NRXN3: variants seen among roughly 807,000 people sequenced by gnomAD.
NRXN3 encodes the protein neurexin III.
Under a neutral mutation model 137.6 loss-of-function variants are expected in NRXN3, and 32 were observed. That is an observed-to-expected ratio of 0.23 (90% CI 0.18 to 0.31). The LOEUF (loss-of-function observed/expected upper bound fraction) is 0.31. Among genes scored for constraint, NRXN3 ranks in the 10% least tolerant of loss-of-function variants. The pLI, the probability that NRXN3 is intolerant of heterozygous loss-of-function variation, is 1.00. For missense variants in NRXN3, 1,574 were observed against 2,062.5 expected, an observed-to-expected ratio of 0.76 and a Z score of 4.59; for synonymous variants, 798 against 784.5, an observed-to-expected ratio of 1.02 and a Z score of -0.29.
At chr14:79,127,770 A>G (rs1211227037) in intron 15 of NRXN3, among the ~76,000 whole-genome samples, 4 of 152,146 alleles carry the variant, frequency 2.6e-5, no homozygotes, top group Admixed American at 6.5e-5. Context: ...CTTGGGCAGT[A>G]TGGCCATTTT....
Position 78,483,891 on chromosome 14 carries a change from A to G in NRXN3, c.758-161229A>G, listed in dbSNP as rs1599278401. On this transcript the variant is annotated intron_variant, in intron 4 of 20. Transcript: ENST00000335750. ...GCAGTTTTAGCTCATGGCTTATGTT[A>G]GCTAGACTGCTGGTTCGATTTTTCA... 2.6e-5 allele frequency among the ~76,000 whole-genome samples: 4 copies of G among 152,126 alleles called. No individual in the cohort carries two copies. In the South Asian group the frequency reaches 8.3e-4, roughly 32 times the overall value.
intron 19 of NRXN3, among the ~76,000 whole-genome samples, chr14:79,720,281 A>T (rs543975116): frequency 6.6e-6 from 1 of 152,180 alleles, no homozygotes; most frequent in Admixed American, 6.5e-5. Context: ...AATATGGGGG[A>T]AACTGTCCCC....
chr14:78,509,822 C>A (rs2096068179), intron 4 of NRXN3, among the ~76,000 whole-genome samples: 1 of 152,008 alleles, frequency 6.6e-6, no homozygotes, highest in South Asian at 2.1e-4. Context: ...ATGCAGCCAG[C>A]CCAGATTCTC....
intron 15 of NRXN3, among the ~76,000 whole-genome samples, chr14:79,165,906 A>C (rs749485441): frequency 2.0e-5 from 3 of 151,956 alleles, no homozygotes; most frequent in Non-Finnish European, 2.9e-5. Context: ...AGGTCTCACA[A>C]CACCACGAGC....
At chr14:79,631,058 C>A (rs984169641) in intron 16 of NRXN3, among the ~76,000 whole-genome samples, 24 of 152,158 alleles carry the variant, frequency 1.6e-4, no homozygotes, top group Non-Finnish European at 5.9e-5. Context: ...AAAATAGTCT[C>A]CTTTATCGTG....
intron 15 of NRXN3, among the ~76,000 whole-genome samples, chr14:79,416,277 C>A (rs2095495585): frequency 6.6e-6 from 1 of 152,124 alleles, no homozygotes; most frequent in South Asian, 2.1e-4. Context: ...CAGCTTTTCA[C>A]TGTCCCGTTC....
intron 15 of NRXN3, among the ~76,000 whole-genome samples, chr14:79,177,926 CTTT>C (rs968101466): frequency 1.5e-4 from 23 of 152,306 alleles, no homozygotes; most frequent in African/African-American, 5.1e-4. Context: ...CTGAGATCTT[CTTT>C]ATTTTTTATT....
chr14:79,222,743 ATTG>A (rs947373760), intron 15 of NRXN3, among the ~76,000 whole-genome samples: 2 of 33,044 alleles, frequency 6.1e-5, no homozygotes, highest in Non-Finnish European at 2.4e-4. Flanking sequence ...ATGGCATCTC[ATTG>A]TTGTTTTAAT....
At chr14:79,050,833 G>T (rs2099640781) in intron 15 of NRXN3, among the ~76,000 whole-genome samples, 1 of 152,096 alleles carries the variant, frequency 6.6e-6, no homozygotes, top group African/African-American at 2.4e-5. Flanking sequence ...TCCTAAGTTT[G>T]CATAACAGAA....
chr14:78,761,177 G>A (rs956031572), intron 8 of NRXN3, among the ~76,000 whole-genome samples: 2 of 152,098 alleles, frequency 1.3e-5, no homozygotes, highest in East Asian at 1.9e-4. Flanking sequence ...CCCCGCAATC[G>A]CTCTTTTCCA....
intron 15 of NRXN3, among the ~76,000 whole-genome samples, chr14:79,222,417 A>G (rs1174955306): frequency 1.3e-5 from 2 of 152,136 alleles, no homozygotes; most frequent in African/African-American, 4.8e-5. Flanking sequence ...TTATTTATTC[A>G]TTCACCTGCT....
intron 16 of NRXN3, among the ~76,000 whole-genome samples, chr14:79,654,342 C>T (rs927901625): frequency 6.6e-6 from 1 of 151,202 alleles, no homozygotes. Context: ...AAAAAAAAAA[C>T]TTAAAAAAAA....
chr14:79,770,778 GC>G (rs2099074881), intron 19 of NRXN3, among the ~76,000 whole-genome samples: 1 of 151,316 alleles, frequency 6.6e-6, no homozygotes, highest in African/African-American at 2.4e-5. Flanking sequence ...TAAAATCAGA[GC>G]AGAACTGAAG....
intron 15 of NRXN3, among the ~76,000 whole-genome samples, chr14:79,223,781 A>G (rs2070286101): frequency 6.6e-6 from 1 of 152,190 alleles, no homozygotes; most frequent in Non-Finnish European, 1.5e-5. Context: ...ATAATAAATC[A>G]GAGCACCACT....
intron 19 of NRXN3, among the ~76,000 whole-genome samples, chr14:79,775,442 G>A (rs575498229): frequency 6.6e-5 from 10 of 151,414 alleles, no homozygotes; most frequent in African/African-American, 2.4e-4. Flanking sequence ...ATTGGGGGGC[G>A]TGATTCTTAG....
intron 8 of NRXN3, among the ~76,000 whole-genome samples, chr14:78,722,039 A>G (rs773800626): frequency 1.3e-5 from 2 of 151,874 alleles, no homozygotes; most frequent in Non-Finnish European, 2.9e-5. Flanking sequence ...CCTAGCTGAG[A>G]GTTATTCCAC....
At chr14:78,638,894 C>T (rs941012362) in intron 4 of NRXN3, among the ~76,000 whole-genome samples, 11 of 152,166 alleles carry the variant, frequency 7.2e-5, no homozygotes, top group African/African-American at 2.4e-4. Flanking sequence ...TGGACTTATT[C>T]CCTAGACGTT....
intron 8 of NRXN3, among the ~76,000 whole-genome samples, chr14:78,765,072 G>A (rs2098704570): frequency 6.9e-6 from 1 of 144,406 alleles, no homozygotes; most frequent in African/African-American, 2.5e-5. Context: ...GTATGCTATG[G>A]TCACCTCTGT....
chr14:78,969,041 G>A (rs1402028045), intron 14 of NRXN3, among the ~76,000 whole-genome samples: 1 of 152,100 alleles, frequency 6.6e-6, no homozygotes, highest in Non-Finnish European at 1.5e-5. Flanking sequence ...ATAAAACAGG[G>A]CAATAAAACT....
Sources: allele counts gnomAD v4.1 joint callset (sites outside exome capture counted in the v4.1 genomes callset), GRCh38; gene constraint gnomAD v4.1.1; transcripts MANE v1.5; gene names NCBI Gene and HGNC (gene_info 2026-07-23, HGNC 2026-07-21).